Variants in TLE2 observed in about 807,000 individuals in gnomAD.
The protein encoded by TLE2 is TLE family member 2, transcriptional corepressor, also known as transducin-like enhancer protein 2.
Under a neutral mutation model 97.2 loss-of-function variants are expected in TLE2, and 74 were observed. The observed-to-expected ratio is 0.76, with a 90% CI of 0.63 to 0.92. TLE2 has a LOEUF of 0.92. Among genes scored for constraint, TLE2 ranks in the 40% least tolerant of loss-of-function variants. The pLI is 0.00. For missense variants in TLE2, 1,038 were observed against 1,008.7 expected (o/e 1.03, Z -0.39); for synonymous variants, 499 against 432.1 (o/e 1.15, Z -1.92).
At chr19:3,001,791 C>CTTTTTTTTT (rs562875053) in intron 18 of TLE2, among the ~76,000 whole-genome samples, 1 of 111,460 alleles carries the variant, frequency 9.0e-6, no homozygotes, top group Admixed American at 1.0e-4. Flanking sequence ...TCTTTTCTTT[C>CTTTTTTTTT]TTTTTTTTTT....
intron 14 of TLE2, among the ~76,000 whole-genome samples, chr19:3,007,598 C>T (rs147685274): frequency 1.6e-3 from 247 of 152,176 alleles, no homozygotes; most frequent in African/African-American, 5.3e-3. Flanking sequence ...TGATATGGGA[C>T]AGTCAGTGGG....
chr19:2,999,518 G>A (rs569647738), intron 19 of TLE2, among the ~76,000 whole-genome samples: 1 of 150,950 alleles, frequency 6.6e-6, no homozygotes, highest in Non-Finnish European at 1.5e-5. Flanking sequence ...ATGAGGTCAG[G>A]AGATCAAGAC....
intron 1 of TLE2, among the ~76,000 whole-genome samples, chr19:3,045,218 TAATAAA>T (rs1350556213): frequency 6.6e-6 from 1 of 152,036 alleles, no homozygotes; most frequent in African/African-American, 2.4e-5. Context: ...TGTCTCAAAA[TAATAAA>T]AATAAAGAAT....
chr19:2,998,415 T>C (rs541411575), intron 19 of TLE2, among the ~76,000 whole-genome samples: 1 of 152,136 alleles, frequency 6.6e-6, no homozygotes, highest in South Asian at 2.1e-4. Context: ...GCAGCTGGGA[T>C]TGCAGGTGCA....
At chr19:3,046,545 C>G (rs1343703601), upstream of TLE2, among the ~76,000 whole-genome samples, 1 of 152,164 alleles carries the variant, frequency 6.6e-6, no homozygotes, top group Non-Finnish European at 1.5e-5. Context: ...ATTTCAGACC[C>G]CGGAGTCCCC....
chr19:3,006,137 C>T (rs760675821), intron 15 of TLE2, 169 bp from the exon 16 acceptor site: 1 of 957,850 alleles, frequency 1.0e-6, no homozygotes, highest in South Asian at 1.3e-5. Flanking sequence ...GCAAACACTG[C>T]CCCATCTGAC....
chr19:3,002,494 G>C lies in TLE2; in HGVS notation c.1906C>G (p.Leu636Val). The C allele has an allele frequency of 6.4e-7, 1 of 1,574,034 alleles. No individual in the cohort carries two copies. The highest frequency in any genetic ancestry group is 8.6e-7 in the Non-Finnish European group (1 of 1,160,124). Reference protein sequence around the residue: ...QHDFSSQIFSLGHCPNQDWLA... With the variant: ...QHDFSSQIFSVGHCPNQDWLA... ...CAGTCCTGGTTAGGGCAGTGGCCCA[G>C]GGAGAAAATCTGGGGGTAAAGAGGG... The change falls in exon 18 of 20, where the codon CTG becomes GTG. Residue 636 changes from leucine to valine, a missense_variant. Leu to Val is a conservative substitution (Grantham distance 32). Coordinates refer to ENST00000262953, the MANE Select transcript of TLE2 (RefSeq NM_003260.5).
upstream of TLE2, among the ~76,000 whole-genome samples, chr19:3,031,873 C>A (rs1360021503): frequency 6.6e-6 from 1 of 152,176 alleles, no homozygotes; most frequent in Non-Finnish European, 1.5e-5. Context: ...TCACACTCTC[C>A]ATCCTATTCT....
intron 8 of TLE2, chr19:3,015,969 C>G: frequency 3.1e-6 from 2 of 650,044 alleles, no homozygotes; most frequent in South Asian, 3.0e-5. Flanking sequence ...CGGAGTCTTG[C>G]TCTGCTGCCC....
At chr19:3,037,448 T>C (rs2090070916) in intron 1 of TLE2, among the ~76,000 whole-genome samples, 1 of 152,238 alleles carries the variant, frequency 6.6e-6, no homozygotes, top group African/African-American at 2.4e-5. Flanking sequence ...AGCCCTTTCC[T>C]GTGACAGAGT....
chr19:2,998,236 A>AGTGT (rs1568227253), intron 19 of TLE2, among the ~76,000 whole-genome samples: 3 of 85,136 alleles, frequency 3.5e-5, no homozygotes, highest in Non-Finnish European at 6.6e-5. Context: ...ACGCCCGGCC[A>AGTGT]ATGTGTGTGT....
At chr19:3,036,602 C>T (rs761466094) in intron 1 of TLE2, among the ~76,000 whole-genome samples, 4 of 152,246 alleles carry the variant, frequency 2.6e-5, no homozygotes, top group Non-Finnish European at 5.9e-5. Flanking sequence ...CCCCGCCACG[C>T]TTGGCGGTGT....
At chr19:3,037,509 C>T (rs951868450) in intron 1 of TLE2, among the ~76,000 whole-genome samples, 1 of 152,122 alleles carries the variant, frequency 6.6e-6, no homozygotes, top group African/African-American at 2.4e-5. Context: ...GGGAACATCC[C>T]CCAGCTGTGA....
intron 5 of TLE2, among the ~76,000 whole-genome samples, chr19:3,020,925 A>G (rs889382444): frequency 1.2e-4 from 18 of 151,406 alleles, no homozygotes; most frequent in Non-Finnish European, 4.4e-5. Flanking sequence ...ATCTCTACTA[A>G]AAATACAAAA....
chr19:3,036,650 C>T (rs192315448), intron 1 of TLE2, among the ~76,000 whole-genome samples: 1 of 152,376 alleles, frequency 6.6e-6, no homozygotes, highest in African/African-American at 2.4e-5. Flanking sequence ...TCCTTCCACC[C>T]AGGAACATGA....
chr19:3,047,199 G>T, upstream of TLE2, among the ~76,000 whole-genome samples: 1 of 114,814 alleles, frequency 8.7e-6, no homozygotes, highest in African/African-American at 3.5e-5. Context: ...GCCTCATTAG[G>T]CGCGGCCGCG....
chr19:3,015,741 G>C lies in TLE2; in HGVS notation c.590C>G (p.Pro197Arg), dbSNP rs752044012. ...APSRSASPSPPESLVEEERPS... is the reference protein window; with the variant it reads ...APSRSASPSPRESLVEEERPS... ...TCGCTCCTCCTCCACGAGACTCTCA[G>C]GGGGCGAGGGAGATGCACTCTGCGG... The change falls in exon 9 of 20, where the codon CCT becomes CGT. Residue 197 changes from proline to arginine, a missense_variant. Physicochemically the swap from Pro to Arg is moderately radical, Grantham distance 103. Coordinates refer to ENST00000262953, the MANE Select transcript of TLE2 (RefSeq NM_003260.5). 1 of 1,609,910 alleles carries C rather than the reference G, an allele frequency of 6.2e-7. No individual in the cohort carries two copies. The highest frequency in any genetic ancestry group is 1.3e-5 in the African/African-American group (1 of 74,984).
intron 7 of TLE2, among the ~76,000 whole-genome samples, chr19:3,018,922 C>T (rs2089777425): frequency 6.6e-6 from 1 of 151,690 alleles, no homozygotes; most frequent in Admixed American, 6.6e-5. Context: ...CCAGCCTGTG[C>T]TTGACTAATT....
chr19:3,036,982 G>A (rs967546137), intron 1 of TLE2, among the ~76,000 whole-genome samples: 1 of 152,156 alleles, frequency 6.6e-6, no homozygotes, highest in Non-Finnish European at 1.5e-5. Flanking sequence ...ATGTTGGGTG[G>A]TAGTATTTAA....
Sources: allele counts gnomAD v4.1 joint callset (sites outside exome capture counted in the v4.1 genomes callset), GRCh38; gene constraint gnomAD v4.1.1; transcripts MANE v1.5; gene names NCBI Gene and HGNC (gene_info 2026-07-23, HGNC 2026-07-21).